The following PCDHGA8 variants were observed in gnomAD, a reference collection of about 807,000 sequenced individuals.
PCDHGA8 encodes protocadherin gamma subfamily A, 8, also known as protocadherin gamma-A8.
PCDHGA8 carries 45 observed loss-of-function variants against 59.2 expected under a neutral mutation model. That is an observed-to-expected ratio of 0.76 (90% CI 0.60 to 0.98). PCDHGA8 has a LOEUF of 0.98. Among genes scored for constraint, PCDHGA8 ranks in the 50% least tolerant of loss-of-function variants. PCDHGA8 has a pLI of 0.00. For synonymous variants in PCDHGA8, 531 were observed against 519.0 expected, an observed-to-expected ratio of 1.02 and a Z score of -0.32; for missense variants, 1,257 against 1,196.2, an observed-to-expected ratio of 1.05 and a Z score of -0.75.
At chr5:141,481,533 T>TG (rs1246139713) in intron 1 of PCDHGA8, among the ~76,000 whole-genome samples, 2 of 152,200 alleles carry the variant, frequency 1.3e-5, no homozygotes, top group Admixed American at 6.5e-5. Context: ...AATCTAGAGA[T>TG]GGGGCTGGGC....
intron 1 of PCDHGA8, chr5:141,399,103 C>CA (rs755732381): frequency 6.2e-7 from 1 of 1,613,604 alleles, no homozygotes; most frequent in African/African-American, 1.3e-5. Context: ...ACTGGTTGCA[C>CA]AATGTACAGT....
In PCDHGA8 at chr5:141,485,896, C is replaced by T; in HGVS notation, c.2425-8911C>T. On this transcript the variant is annotated intron_variant, in intron 1 of 3. Coordinates refer to ENST00000398604, the MANE Select transcript of PCDHGA8 (RefSeq NM_032088.2). The surrounding 1 kb of genome is among the most constrained non-coding windows in gnomAD (Gnocchi z 5.7). ...TGGACGTAAACGACAACGCCCCAGC[C>T]TTCCAGCAATCCAGCTACAGGATTA... 6.2e-7 allele frequency: 1 copy of T among 1,614,190 alleles called. No individual in the cohort carries two copies. The highest frequency in any genetic ancestry group is 8.5e-7 in the Non-Finnish European group (1 of 1,180,042).
intron 1 of PCDHGA8, among the ~76,000 whole-genome samples, chr5:141,401,414 A>G (rs539285035): frequency 1.3e-5 from 2 of 152,350 alleles, no homozygotes; most frequent in African/African-American, 4.8e-5. Flanking sequence ...AGAGAAAGAG[A>G]GAGACTGATT....
intron 1 of PCDHGA8, chr5:141,398,380 C>G: frequency 6.9e-7 from 1 of 1,455,908 alleles, no homozygotes; most frequent in South Asian, 1.2e-5. Flanking sequence ...CGGGGAGTTG[C>G]TTGTGAGCAG....
chr5:141,408,676 G>A (rs1315766272), intron 1 of PCDHGA8: 2 of 1,613,652 alleles, frequency 1.2e-6, no homozygotes, highest in Non-Finnish European at 1.7e-6. Flanking sequence ...ACCCTGCCAC[G>A]GATCCTGATA....
chr5:141,430,017 CTTG>C (rs1203011013), intron 1 of PCDHGA8, among the ~76,000 whole-genome samples: 6 of 152,096 alleles, frequency 3.9e-5, no homozygotes, highest in African/African-American at 1.2e-4. Context: ...CACTTGGGTT[CTTG>C]TTAAGTGTGA....
chr5:141,455,860 A>ATTATTTATTTAT (rs145569377), intron 1 of PCDHGA8, among the ~76,000 whole-genome samples: 9 of 139,836 alleles, frequency 6.4e-5, no homozygotes, highest in African/African-American at 7.9e-5. Context: ...AATTTCTTTT[A>ATTATTTATTTAT]TTATTTATTT....
chr5:141,401,836 A>G (rs1400731084), intron 1 of PCDHGA8, among the ~76,000 whole-genome samples: 3 of 152,204 alleles, frequency 2.0e-5, no homozygotes, highest in Admixed American at 1.3e-4. Flanking sequence ...GATTTCTTAT[A>G]ATACCACTTA....
chr5:141,510,893 G>C (rs1334514746), intron 3 of PCDHGA8, 54 bp from the exon 4 acceptor site: 1 of 1,612,722 alleles, frequency 6.2e-7, no homozygotes, highest in African/African-American at 1.3e-5. Context: ...ATAAGACAGT[G>C]ACTGTTGAGG....
At chr5:141,495,910 A>C (rs2154591812) in intron 2 of PCDHGA8, among the ~76,000 whole-genome samples, 1 of 151,278 alleles carries the variant, frequency 6.6e-6, no homozygotes, top group East Asian at 1.9e-4. Flanking sequence ...GTCTCTGTAT[A>C]TCTTTCTTTG....
chr5:141,495,465 G>A (rs563411010), intron 2 of PCDHGA8, among the ~76,000 whole-genome samples: 3 of 152,182 alleles, frequency 2.0e-5, no homozygotes, highest in Non-Finnish European at 2.9e-5. Context: ...TGTCTGTGGG[G>A]TCTCCGTGTC....
At position 141,398,826 on chromosome 5, in the gene PCDHGA8, C is replaced by T. The variant is rs755219133; in HGVS notation, c.2424+3589C>T. On this transcript the variant is annotated intron_variant, in intron 1 of 3. Coordinates refer to ENST00000398604, the MANE Select transcript of PCDHGA8 (RefSeq NM_032088.2). ...CCACTGAGCTCCGGATCCAGGTAACCGACGCCAATGATAATCCCCCGGTAT... is the reference window on the plus strand; with the variant it reads ...CCACTGAGCTCCGGATCCAGGTAACTGACGCCAATGATAATCCCCCGGTAT... 81 of 1,613,942 alleles carry T rather than the reference C, an allele frequency of 5.0e-5. 1 individual carries two copies. In the South Asian group the frequency reaches 7.7e-4, roughly 15 times the overall value.
intron 1 of PCDHGA8, chr5:141,418,622 G>A: frequency 2.5e-6 from 4 of 1,614,026 alleles, no homozygotes; most frequent in Non-Finnish European, 3.4e-6. Context: ...TCGGGAAGAC[G>A]TGCCTCCAGG....
intron 1 of PCDHGA8, among the ~76,000 whole-genome samples, chr5:141,443,781 C>CA (rs1227271563): frequency 8.6e-5 from 13 of 150,636 alleles, no homozygotes; most frequent in South Asian, 2.1e-4. Flanking sequence ...ACCAAAAAGA[C>CA]AAAAAAAATG....
intron 1 of PCDHGA8, among the ~76,000 whole-genome samples, chr5:141,483,021 G>A (rs543104114): frequency 6.6e-6 from 1 of 152,126 alleles, no homozygotes; most frequent in East Asian, 1.9e-4. Context: ...GGAGGCAGAG[G>A]TTGCAATGAG....
At position 141,395,063 on chromosome 5, in the gene PCDHGA8, G is replaced by A; in HGVS notation, c.2250G>A (p.Leu750=). The change falls in exon 1 of 4, where the codon CTG becomes CTA. Residue 750 remains leucine, a synonymous_variant. Coordinates refer to ENST00000398604, the MANE Select transcript of PCDHGA8 (RefSeq NM_032088.2). ...GTGTTGAGGAGGTACAGGCTTTCCTGCAGACCTATTCCCAGGAAGTCTCCC... is the reference window on the plus strand; with the variant it reads ...GTGTTGAGGAGGTACAGGCTTTCCTACAGACCTATTCCCAGGAAGTCTCCC... ...FVGVEEVQAF[L]QTYSQEVSLT... 3 of 1,614,168 alleles carry A rather than the reference G, an allele frequency of 1.9e-6. No homozygotes were observed. Among genetic ancestry groups the A allele is most frequent in the Non-Finnish European group, 2.5e-6 (3 of 1,180,032 alleles).
Position 141,476,934 on chromosome 5 carries a change from A to G in PCDHGA8, c.2425-17873A>G, listed in dbSNP as rs199685528. On this transcript the variant is annotated intron_variant, in intron 1 of 3. Transcript: ENST00000398604. The surrounding 1 kb of genome is among the most constrained non-coding windows in gnomAD (Gnocchi z 7.6). ...CAAGTCCTTGCAACGGATCTGGATG[A>G]AGGCCCCAACGGTGAAATTATTTAC... 255 of 1,614,164 alleles carry G rather than the reference A, an allele frequency of 1.6e-4. 3 individuals carry two copies. In the South Asian group the frequency reaches 2.6e-3, roughly 16 times the overall value.
intron 1 of PCDHGA8, chr5:141,428,113 T>A: frequency 6.2e-7 from 1 of 1,607,492 alleles, no homozygotes; most frequent in Non-Finnish European, 8.5e-7. Flanking sequence ...CTGCAGGCCA[T>A]CGAGCCCGGG....
At chr5:141,451,113 C>T (rs2098707217) in intron 1 of PCDHGA8, among the ~76,000 whole-genome samples, 1 of 152,152 alleles carries the variant, frequency 6.6e-6, no homozygotes. Context: ...CAGGCGTGAG[C>T]CACCACACCC....
Sources: allele counts gnomAD v4.1 joint callset (sites outside exome capture counted in the v4.1 genomes callset), GRCh38; gene constraint gnomAD v4.1.1; non-coding constraint Gnocchi (gnomAD v3.1); transcripts MANE v1.5; gene names NCBI Gene and HGNC (gene_info 2026-07-23, HGNC 2026-07-21).